The following ADAMTS18 variants were observed in gnomAD, a reference collection of about 807,000 sequenced individuals.
ADAMTS18 encodes ADAM metallopeptidase with thrombospondin type 1 motif 18, also known as A disintegrin and metalloproteinase with thrombospondin motifs 18.
A neutral mutation model predicts 165.9 loss-of-function variants in ADAMTS18; 157 were observed. The ratio of observed to expected loss-of-function variants is 0.95; its 90% CI spans 0.83 to 1.08. The LOEUF (loss-of-function observed/expected upper bound fraction) is 1.08. Ranked by LOEUF, ADAMTS18 falls within the 50% of genes least tolerant of loss-of-function variation. The probability of loss-of-function intolerance (pLI) is 0.00; values close to 1 mark genes in which losing one functional copy is unlikely to be tolerated. For missense variants in ADAMTS18, 2,040 were observed against 1,534.0 expected, an observed-to-expected ratio of 1.33 and a Z score of -5.51; for synonymous variants, 782 against 578.2, an observed-to-expected ratio of 1.35 and a Z score of -5.06.
At chr16:77,339,045 G>A (rs2056357025) in intron 11 of ADAMTS18, among the ~76,000 whole-genome samples, 1 of 152,068 alleles carries the variant, frequency 6.6e-6, no homozygotes, top group South Asian at 2.1e-4. Flanking sequence ...CAAGGGACTG[G>A]AGAAGAAAGA....
chr16:77,350,522 G>A (rs547014777), intron 10 of ADAMTS18, among the ~76,000 whole-genome samples: 1 of 152,286 alleles, frequency 6.6e-6, no homozygotes, highest in Non-Finnish European at 1.5e-5. Context: ...CCTTTCAAAG[G>A]TGAACTCTAA....
At chr16:77,375,176 T>C (rs2056931052) in intron 3 of ADAMTS18, among the ~76,000 whole-genome samples, 1 of 151,968 alleles carries the variant, frequency 6.6e-6, no homozygotes, top group Non-Finnish European at 1.5e-5. Context: ...GGGAATGAAA[T>C]ATTATTCCTC....
At chr16:77,416,696 C>G (rs187982111) in intron 3 of ADAMTS18, among the ~76,000 whole-genome samples, 34 of 152,264 alleles carry the variant, frequency 2.2e-4, no homozygotes, top group Admixed American at 3.3e-4. Context: ...CTATTAGCAG[C>G]ATGAGAACAG....
intron 12 of ADAMTS18, among the ~76,000 whole-genome samples, chr16:77,326,346 C>T (rs1310444312): frequency 1.3e-5 from 2 of 152,150 alleles, no homozygotes; most frequent in Non-Finnish European, 2.9e-5. Flanking sequence ...ACATTCTGTT[C>T]ATTTCCTTAA....
At chr16:77,331,609 G>C (rs1192198972) in intron 12 of ADAMTS18, among the ~76,000 whole-genome samples, 1 of 152,086 alleles carries the variant, frequency 6.6e-6, no homozygotes, top group Non-Finnish European at 1.5e-5. Context: ...AGATTATTTT[G>C]TCCCATATAG....
At chr16:77,362,032 C>A in intron 7 of ADAMTS18, 73 bp downstream of exon 7, 2 of 1,509,036 alleles carry the variant, frequency 1.3e-6, no homozygotes, top group Non-Finnish European at 1.8e-6. Flanking sequence ...AAGGGCTATC[C>A]ATCATCCATA....
In ADAMTS18 at chr16:77,431,329, G is replaced by A. The variant is rs764614436; in HGVS notation, c.461C>T (p.Ser154Phe). 1 of 1,614,122 alleles carries A rather than the reference G, an allele frequency of 6.2e-7. No homozygotes were observed. The highest frequency in any genetic ancestry group is 8.5e-7 in the Non-Finnish European group (1 of 1,180,028). The change falls in exon 3 of 23, where the codon TCC (serine) becomes TTC (phenylalanine). Residue 154 changes from serine to phenylalanine, a missense_variant. Physicochemically the swap from Ser to Phe is radical, Grantham distance 155. Coordinates refer to ENST00000282849, the MANE Select transcript of ADAMTS18 (RefSeq NM_199355.4). ...ACACGTAGACACAGCGACAGAGGAG[G>A]AGCTGTCATTTCTGATAAATCCCTG... ...FYQGFIRNDS[S>F]SSVAVSTCAG...
intron 3 of ADAMTS18, among the ~76,000 whole-genome samples, chr16:77,427,885 T>C (rs1410153560): frequency 1.3e-5 from 2 of 152,212 alleles, no homozygotes; most frequent in African/African-American, 2.4e-5. Flanking sequence ...AAATTTTAGC[T>C]GGAGTATGTA....
rs554080764 is a variant in ADAMTS18 at position 77,288,337 on chromosome 16, TC to T, written c.3550+926del. On this transcript the variant is annotated intron_variant, in intron 22 of 22. Coordinates refer to ENST00000282849, the MANE Select transcript of ADAMTS18 (RefSeq NM_199355.4). ...AGAACATGACCGCTTGCTCATTTCT[TC>T]CCTATGTAGTATCCCAGCATGGACT... 7.0e-4 allele frequency among the ~76,000 whole-genome samples: 107 copies of T among 152,184 alleles called. 2 individuals are homozygous for T. Among genetic ancestry groups the T allele is most frequent in the Admixed American group, 6.5e-3 (99 of 15,258 alleles).
intron 3 of ADAMTS18, among the ~76,000 whole-genome samples, chr16:77,396,676 G>T (rs947157147): frequency 6.6e-6 from 1 of 152,158 alleles, no homozygotes; most frequent in African/African-American, 2.4e-5. Context: ...AGGCATGTAA[G>T]ATATGGAGAT....
At chr16:77,381,153 C>A (rs111439739) in intron 3 of ADAMTS18, among the ~76,000 whole-genome samples, 3,513 of 152,190 alleles carry the variant, frequency 0.023, 125 homozygotes, top group African/African-American at 0.081. Context: ...GGATTAGAGG[C>A]GTGAGTCACC....
At chr16:77,371,397 C>A (rs59459484) in intron 3 of ADAMTS18, among the ~76,000 whole-genome samples, 1 of 151,970 alleles carries the variant, frequency 6.6e-6, no homozygotes, top group Non-Finnish European at 1.5e-5. Context: ...TAGAAAGCTA[C>A]AGTAACCAAA....
chr16:77,420,926 C>T (rs887452352), intron 3 of ADAMTS18, among the ~76,000 whole-genome samples: 5 of 152,052 alleles, frequency 3.3e-5, no homozygotes, highest in African/African-American at 1.2e-4. Flanking sequence ...CAGGGTGAAC[C>T]CATAGACACT....
chr16:77,420,616 G>C (rs894954612), intron 3 of ADAMTS18, among the ~76,000 whole-genome samples: 1 of 152,158 alleles, frequency 6.6e-6, no homozygotes, highest in Non-Finnish European at 1.5e-5. Context: ...TTTTTACAAG[G>C]ACGGAATTCA....
At chr16:77,339,828 T>C (rs1017769867) in intron 11 of ADAMTS18, among the ~76,000 whole-genome samples, 16 of 151,284 alleles carry the variant, frequency 1.1e-4, no homozygotes, top group African/African-American at 3.9e-4. Flanking sequence ...ATTTTTAAAA[T>C]GTTCATTTTC....
At chr16:77,344,832 G>C (rs368235891) in intron 10 of ADAMTS18, among the ~76,000 whole-genome samples, 4 of 152,156 alleles carry the variant, frequency 2.6e-5, no homozygotes, top group East Asian at 3.9e-4. Flanking sequence ...GAAGTCAAGG[G>C]TAATTATAGC....
intron 22 of ADAMTS18, among the ~76,000 whole-genome samples, chr16:77,286,570 A>AAGCTCCATAGCT (rs540512812): frequency 1.2e-3 from 179 of 152,248 alleles, no homozygotes; most frequent in Non-Finnish European, 1.9e-3. Flanking sequence ...AACTTGCTCA[A>AAGCTCCATAGCT]AGCTCCATAG....
At chr16:77,363,714 T>C in intron 6 of ADAMTS18, 88 bp downstream of exon 6, 1 of 1,228,690 alleles carries the variant, frequency 8.1e-7, no homozygotes, top group Non-Finnish European at 1.2e-6. Flanking sequence ...TAACGACTAG[T>C]ACATGGATTA....
At chr16:77,320,128 C>T (rs894602031) in intron 15 of ADAMTS18, 35 bp from the exon 16 acceptor site, 4 of 1,613,324 alleles carry the variant, frequency 2.5e-6, no homozygotes, top group Middle Eastern at 1.7e-4. Context: ...CTGAATTCCA[C>T]CCCATGCATT....
Sources: allele counts gnomAD v4.1 joint callset (sites outside exome capture counted in the v4.1 genomes callset), GRCh38; gene constraint gnomAD v4.1.1; transcripts MANE v1.5; gene names NCBI Gene and HGNC (gene_info 2026-07-23, HGNC 2026-07-21).